ZBTB7C: variants seen among roughly 807,000 people sequenced by gnomAD.
ZBTB7C encodes zinc finger and BTB domain containing 7C.
Under a neutral mutation model 25.7 loss-of-function variants are expected in ZBTB7C, and 8 were observed. The ratio of observed to expected loss-of-function variants is 0.31; its 90% CI spans 0.18 to 0.56. ZBTB7C has a LOEUF of 0.56. Ranked by LOEUF, ZBTB7C falls within the 20% of genes least tolerant of loss-of-function variation. The pLI, the probability that ZBTB7C is intolerant of heterozygous loss-of-function variation, is 0.91. For synonymous variants in ZBTB7C, 394 were observed against 369.0 expected, an observed-to-expected ratio of 1.07 and a Z score of -0.78; for missense variants, 824 against 855.2, an observed-to-expected ratio of 0.96 and a Z score of 0.46.
intron 3 of ZBTB7C, among the ~76,000 whole-genome samples, chr18:48,161,609 A>T (rs1010702661): frequency 7.2e-5 from 11 of 151,910 alleles, no homozygotes; most frequent in Non-Finnish European, 1.3e-4. Flanking sequence ...GACATGAAGC[A>T]ACCACAGCCG....
intron 3 of ZBTB7C, among the ~76,000 whole-genome samples, chr18:48,050,572 T>G (rs1311659298): frequency 6.6e-6 from 1 of 152,194 alleles, no homozygotes; most frequent in Non-Finnish European, 1.5e-5. Flanking sequence ...GCAATGGCCA[T>G]CCAGGTGTTC....
At chr18:48,291,237 T>A (rs2045220182) in intron 2 of ZBTB7C, among the ~76,000 whole-genome samples, 1 of 152,144 alleles carries the variant, frequency 6.6e-6, no homozygotes. Context: ...GGGCTTCCCA[T>A]CCCAGGCCTC....
At chr18:48,209,177 A>C (rs958592355) in intron 2 of ZBTB7C, among the ~76,000 whole-genome samples, 2 of 152,202 alleles carry the variant, frequency 1.3e-5, no homozygotes, top group Non-Finnish European at 2.9e-5. Context: ...CCAAGGAGGC[A>C]ATGGATGCTC....
intron 2 of ZBTB7C, among the ~76,000 whole-genome samples, chr18:48,200,931 G>A (rs532695784): frequency 9.2e-5 from 14 of 152,308 alleles, no homozygotes; most frequent in Middle Eastern, 3.4e-3. Context: ...TGTGGCTCAC[G>A]CCTGACCCTG....
intron 1 of ZBTB7C, among the ~76,000 whole-genome samples, chr18:48,343,314 C>T (rs1220310762): frequency 1.3e-5 from 2 of 152,126 alleles, no homozygotes; most frequent in African/African-American, 4.8e-5. Flanking sequence ...GGAAAAACAT[C>T]TAAGATTTGC....
intron 1 of ZBTB7C, among the ~76,000 whole-genome samples, chr18:48,394,458 G>A (rs1173071283): frequency 6.6e-6 from 1 of 152,166 alleles, no homozygotes; most frequent in East Asian, 1.9e-4. Context: ...CCCGAACCAG[G>A]GAAAGATCAG....
chr18:48,040,569 G>GGGTCA lies in ZBTB7C; in HGVS notation c.534_538dup (p.Pro180LeufsTer44), dbSNP rs2036184469. Reference sequence around the variant, plus strand: ...GCTTTGGTGGCAGCTGATGTCCTGGGGGTCAGGCAAGTTTTCTTGGTCAGC... The same window carrying GGGTCA: ...GCTTTGGTGGCAGCTGATGTCCTGGGGGTCAGGTCAGGCAAGTTTTCTTGGTCAGC... On this transcript the variant is annotated frameshift_variant, in exon 4 of 5. Coordinates refer to ENST00000590800, the MANE Select transcript of ZBTB7C (RefSeq NM_001318841.2). LOFTEE classifies it high-confidence loss of function. 6.2e-7 allele frequency: 1 copy of GGGTCA among 1,613,896 alleles called. No homozygotes were observed. Among genetic ancestry groups the GGGTCA allele is most frequent in the African/African-American group, 1.3e-5 (1 of 74,850 alleles).
At chr18:48,382,025 G>A (rs1053891349) in intron 1 of ZBTB7C, among the ~76,000 whole-genome samples, 1 of 152,150 alleles carries the variant, frequency 6.6e-6, no homozygotes, top group Admixed American at 6.5e-5. Context: ...ATCCATTGAT[G>A]GGGGAAAACA....
chr18:48,328,552 G>A (rs1308659602), intron 2 of ZBTB7C, among the ~76,000 whole-genome samples: 1 of 152,158 alleles, frequency 6.6e-6, no homozygotes, highest in Non-Finnish European at 1.5e-5. Context: ...GATGTCCAAA[G>A]TAAGTCAGAG....
intron 3 of ZBTB7C, among the ~76,000 whole-genome samples, chr18:48,109,427 A>G (rs1333678559): frequency 1.3e-5 from 2 of 152,176 alleles, no homozygotes; most frequent in African/African-American, 4.8e-5. Flanking sequence ...GACGTCACAC[A>G]TGACTTCTGC....
chr18:48,265,826 G>GC (rs1225743630), intron 2 of ZBTB7C, among the ~76,000 whole-genome samples: 2 of 152,174 alleles, frequency 1.3e-5, no homozygotes, highest in Non-Finnish European at 2.9e-5. Flanking sequence ...GACTAAAGAC[G>GC]CGTGTCAACT....
At chr18:48,108,396 C>A (rs2039111820) in intron 3 of ZBTB7C, among the ~76,000 whole-genome samples, 2 of 152,152 alleles carry the variant, frequency 1.3e-5, no homozygotes, top group African/African-American at 4.8e-5. Context: ...TCAGAACCAA[C>A]CGCCAGACAA....
At chr18:48,162,739 C>CG (rs1175128545) in intron 3 of ZBTB7C, among the ~76,000 whole-genome samples, 1 of 152,122 alleles carries the variant, frequency 6.6e-6, no homozygotes, top group Non-Finnish European at 1.5e-5. Context: ...GCCCATCTTC[C>CG]GGGGCCAATG....
intron 2 of ZBTB7C, among the ~76,000 whole-genome samples, chr18:48,195,629 G>A (rs2042301413): frequency 6.6e-6 from 1 of 152,140 alleles, no homozygotes. Context: ...ATATGGCACT[G>A]CCTACAATTT....
chr18:48,404,405 G>C (rs1479453741), intron 1 of ZBTB7C, among the ~76,000 whole-genome samples: 1 of 152,178 alleles, frequency 6.6e-6, no homozygotes, highest in Non-Finnish European at 1.5e-5. Context: ...TGGAAGGGTG[G>C]GCACAGGGAG....
At chr18:48,281,692 C>CA (rs1451754324) in intron 2 of ZBTB7C, among the ~76,000 whole-genome samples, 5 of 151,820 alleles carry the variant, frequency 3.3e-5, no homozygotes, top group African/African-American at 4.8e-5. Flanking sequence ...TTTATGCAGC[C>CA]AAAAAACACA....
intron 1 of ZBTB7C, among the ~76,000 whole-genome samples, chr18:48,394,780 G>A (rs2047982097): frequency 6.6e-6 from 1 of 152,194 alleles, no homozygotes; most frequent in African/African-American, 2.4e-5. Context: ...TTTTTCTGTA[G>A]AGATCTTTAC....
intron 3 of ZBTB7C, among the ~76,000 whole-genome samples, chr18:48,171,268 T>C (rs1393381103): frequency 1.3e-5 from 2 of 152,202 alleles, no homozygotes; most frequent in Non-Finnish European, 2.9e-5. Flanking sequence ...ATACCTATTT[T>C]CCCTAAAGGA....
At chr18:48,079,995 G>C in intron 3 of ZBTB7C, among the ~76,000 whole-genome samples, 1 of 152,230 alleles carries the variant, frequency 6.6e-6, no homozygotes, top group Non-Finnish European at 1.5e-5. Context: ...CTGTGCTAAC[G>C]ACACCACTGC....
Sources: gnomAD v4.1 joint callset for allele counts (sites outside exome capture counted in the v4.1 genomes callset) on GRCh38, gnomAD v4.1.1 for gene constraint, MANE v1.5 for transcripts, NCBI Gene and HGNC (gene_info 2026-07-23, HGNC 2026-07-21) for gene names.